GLI2: variants seen among roughly 807,000 people sequenced by gnomAD.
The protein encoded by GLI2 is GLI family zinc finger 2.
GLI2 carries 22 observed loss-of-function variants against 78.9 expected under a neutral mutation model. The observed-to-expected ratio is 0.28, with a 90% CI of 0.20 to 0.40. GLI2 has a LOEUF of 0.40. GLI2 is among the 10% of genes least tolerant of loss of function. The probability of loss-of-function intolerance (pLI) is 1.00; values close to 1 mark genes in which losing one functional copy is unlikely to be tolerated. For missense variants in GLI2, 2,097 were observed against 2,213.2 expected (o/e 0.95, Z 1.05); for synonymous variants, 974 against 963.7 (o/e 1.01, Z -0.20).
chr2:120,866,120 T>C (rs1215574867), intron 2 of GLI2, among the ~76,000 whole-genome samples: 2 of 152,244 alleles, frequency 1.3e-5, no homozygotes, highest in Middle Eastern at 3.2e-3. Flanking sequence ...GCCCCCCGCC[T>C]CCTGCATAAG....
intron 2 of GLI2, among the ~76,000 whole-genome samples, chr2:120,808,007 G>A (rs550166989): frequency 1.1e-4 from 16 of 152,132 alleles, no homozygotes; most frequent in Non-Finnish European, 2.1e-4. Flanking sequence ...GTCAGAGGGC[G>A]TGGACCTCTG....
rs1334434918 is a variant in GLI2 at position 120,989,688 on chromosome 2, C to T, written c.3723C>T (p.Thr1241=). 3.1e-6 allele frequency: 5 copies of T among 1,613,358 alleles called. No individual in the cohort carries two copies. The South Asian group carries it at 4.4e-5, about 14-fold the overall frequency. ...TCCACCCCCAGCTGAGCCCCAGCAC[C>T]ATCAGTGGGGCCCTCAACCAGTTCC... ...GQVHPQLSPS[T]ISGALNQFPQ... Residue 1241 remains threonine (T), a synonymous_variant, in exon 14 of 14, where the codon ACC becomes ACT. Transcript: ENST00000361492.
At chr2:120,847,913 C>T (rs1004338405) in intron 2 of GLI2, among the ~76,000 whole-genome samples, 12 of 152,276 alleles carry the variant, frequency 7.9e-5, no homozygotes, top group African/African-American at 2.9e-4. Flanking sequence ...GAGAAACCCG[C>T]TGTGGGGAGG....
At chr2:120,758,536 C>T (rs554572124) in intron 1 of GLI2, among the ~76,000 whole-genome samples, 3 of 152,356 alleles carry the variant, frequency 2.0e-5, no homozygotes, top group East Asian at 3.9e-4. Context: ...AGCCTGCGCC[C>T]CTGGCCTGCC....
At chr2:120,927,141 G>A (rs1466244430) in intron 2 of GLI2, among the ~76,000 whole-genome samples, 6 of 152,238 alleles carry the variant, frequency 3.9e-5, no homozygotes, top group African/African-American at 7.2e-5. Context: ...TGTCAAGAGC[G>A]CAGTTGGGGA....
At chr2:120,910,256 A>G (rs1678749905) in intron 2 of GLI2, among the ~76,000 whole-genome samples, 1 of 152,144 alleles carries the variant, frequency 6.6e-6, no homozygotes, top group Non-Finnish European at 1.5e-5. Context: ...GCCAGGGGTG[A>G]CAGCAGGGCC....
intron 2 of GLI2, among the ~76,000 whole-genome samples, chr2:120,915,845 C>T (rs1679071104): frequency 6.6e-6 from 1 of 152,210 alleles, no homozygotes; most frequent in South Asian, 2.1e-4. Context: ...CAGTGGCACC[C>T]AGACCCCTTG....
chr2:120,834,422 G>A (rs1018852860), intron 2 of GLI2, among the ~76,000 whole-genome samples: 5 of 152,194 alleles, frequency 3.3e-5, no homozygotes, highest in African/African-American at 1.2e-4. Context: ...CTGGCCCTGG[G>A]GTGTTAGGGC....
chr2:120,814,561 C>T lies in GLI2; in HGVS notation c.148+17093C>T, dbSNP rs1431998033. Among the ~76,000 whole-genome samples, 7 of 152,176 alleles carry T rather than the reference C, an allele frequency of 4.6e-5. No individual in the cohort carries two copies. In the East Asian group the frequency reaches 7.7e-4, roughly 17 times the overall value. On this transcript the variant is annotated intron_variant, in intron 2 of 13. Transcript: ENST00000361492. ...CTACAGACTGGCACCAGTCCATGCCCTGTTGTGAACCAGGCCGCATAGCGG... is the reference window on the plus strand; with the variant it reads ...CTACAGACTGGCACCAGTCCATGCCTTGTTGTGAACCAGGCCGCATAGCGG...
chr2:120,768,021 C>T (rs949007083), intron 1 of GLI2, among the ~76,000 whole-genome samples: 1 of 152,156 alleles, frequency 6.6e-6, no homozygotes, highest in Admixed American at 6.5e-5. Flanking sequence ...ATGGCTGTCC[C>T]GACGCTCCTG....
intron 1 of GLI2, among the ~76,000 whole-genome samples, chr2:120,781,810 G>A (rs1358148867): frequency 6.6e-6 from 1 of 151,926 alleles, no homozygotes. Context: ...TTGAACCTGG[G>A]AGGCAGAGGT....
chr2:120,848,436 T>C (rs1055243653), intron 2 of GLI2, among the ~76,000 whole-genome samples: 2 of 152,186 alleles, frequency 1.3e-5, no homozygotes, highest in Non-Finnish European at 2.9e-5. Context: ...GCCTACCGAC[T>C]CGCCCCTGGG....
chr2:120,862,377 G>C (rs1023216611), intron 2 of GLI2, among the ~76,000 whole-genome samples: 1 of 152,208 alleles, frequency 6.6e-6, no homozygotes. Context: ...GGCATTGCAC[G>C]AGGTACTGGG....
chr2:120,826,292 T>C (rs574736457), intron 2 of GLI2, among the ~76,000 whole-genome samples: 78 of 152,324 alleles, frequency 5.1e-4, no homozygotes, highest in Admixed American at 3.0e-3. Flanking sequence ...CAGAGCCAGG[T>C]TGGGCGTGAG....
chr2:120,923,096 A>G (rs1679464762), intron 2 of GLI2, among the ~76,000 whole-genome samples: 1 of 151,994 alleles, frequency 6.6e-6, no homozygotes, highest in East Asian at 1.9e-4. Flanking sequence ...ACACAGCAAC[A>G]TACACACCAT....
At chr2:120,881,344 A>G (rs866336409) in intron 2 of GLI2, among the ~76,000 whole-genome samples, 5 of 139,200 alleles carry the variant, frequency 3.6e-5, no homozygotes, top group Middle Eastern at 3.9e-3. Flanking sequence ...GGTGGGGAGG[A>G]GGATGGGTGG....
chr2:120,912,209 A>T (rs1212213975), intron 2 of GLI2, among the ~76,000 whole-genome samples: 1 of 152,102 alleles, frequency 6.6e-6, no homozygotes, highest in Non-Finnish European at 1.5e-5. Context: ...TTTATTTAAA[A>T]AGAAGTAGAC....
At chr2:120,967,727 G>A (rs748736203) in intron 5 of GLI2, among the ~76,000 whole-genome samples, 3 of 152,250 alleles carry the variant, frequency 2.0e-5, no homozygotes, top group Non-Finnish European at 2.9e-5. Flanking sequence ...GTGCACCTGC[G>A]TACATGTGTG....
intron 2 of GLI2, among the ~76,000 whole-genome samples, chr2:120,816,073 C>T (rs1685479856): frequency 6.6e-6 from 1 of 152,168 alleles, no homozygotes; most frequent in Admixed American, 6.5e-5. Context: ...CTCTTTGCCC[C>T]ACAGATCAGT....
Sources: allele counts gnomAD v4.1 joint callset (sites outside exome capture counted in the v4.1 genomes callset), GRCh38; gene constraint gnomAD v4.1.1; transcripts MANE v1.5; gene names NCBI Gene and HGNC (gene_info 2026-07-23, HGNC 2026-07-21).